Variants in NDUFA9 observed in about 807,000 individuals in gnomAD.
NDUFA9 encodes the protein NADH:ubiquinone oxidoreductase subunit A9, also known as NADH dehydrogenase [ubiquinone] 1 alpha subcomplex subunit 9, mitochondrial.
Under a neutral mutation model 45.9 loss-of-function variants are expected in NDUFA9, and 23 were observed. That is an observed-to-expected ratio of 0.50 (90% CI 0.36 to 0.71). NDUFA9 has a LOEUF of 0.71. Ranked by LOEUF, NDUFA9 falls within the 30% of genes least tolerant of loss-of-function variation. The pLI, the probability that NDUFA9 is intolerant of heterozygous loss-of-function variation, is 0.00. For missense variants in NDUFA9, 466 were observed against 488.2 expected (o/e 0.95, Z 0.43); for synonymous variants, 176 against 170.5 (o/e 1.03, Z -0.25).
chr12:4,672,983 C>T (rs1184971852), intron 8 of NDUFA9, among the ~76,000 whole-genome samples: 1 of 152,152 alleles, frequency 6.6e-6, no homozygotes, highest in Admixed American at 6.5e-5. Context: ...CAAGGGAGAT[C>T]TGGTTGGCAT....
In NDUFA9 at chr12:4,654,419, T is replaced by C. The variant is rs765346077; in HGVS notation, c.177T>C (p.Phe59=). The change falls in exon 2 of 11, where the codon TTT becomes TTC. Residue 59 remains phenylalanine, a synonymous_variant. Transcript: ENST00000266544. ...SSVSGIVATV[F]GATGFLGRYV... Reference sequence around the variant, plus strand: ...TCAGTGGGATTGTGGCCACTGTGTTTGGAGCAACAGGATTCCTGGGGCGAT... The same window carrying C: ...TCAGTGGGATTGTGGCCACTGTGTTCGGAGCAACAGGATTCCTGGGGCGAT... The C allele has an allele frequency of 6.2e-7, 1 of 1,614,162 alleles. No individual in the cohort carries two copies. Among genetic ancestry groups the C allele is most frequent in the South Asian group, 1.1e-5 (1 of 91,084 alleles).
chr12:4,668,731 A>G lies in NDUFA9; in HGVS notation c.723+207A>G, dbSNP rs190456578. ...TTAAGAAAAAGTTATTGAACTCATA[A>G]TGTGCTAGACACATCATACATGTCA... is the stretch of plus-strand genomic sequence containing the variant. On this transcript the variant is annotated intron_variant, in intron 7 of 10. Transcript: ENST00000266544. 4.2e-5 allele frequency: 24 copies of G among 575,598 alleles called. No homozygotes were observed. In the Admixed American group the frequency reaches 5.0e-4, roughly 12 times the overall value. 35.7% of individuals were successfully genotyped at this position (575,598 alleles called of 1,614,324 possible).
intron 6 of NDUFA9, 38 bp downstream of exon 6, chr12:4,662,673 T>G: frequency 6.7e-7 from 1 of 1,500,226 alleles, no homozygotes; most frequent in Non-Finnish European, 9.3e-7. Context: ...AGAGGGATAC[T>G]GATTAACCAA....
intron 3 of NDUFA9, chr12:4,655,220 G>C: frequency 3.4e-6 from 1 of 290,118 alleles, no homozygotes; most frequent in South Asian, 5.7e-5. Context: ...AGTAGCCATA[G>C]ACAATATGTA....
chr12:4,686,393 T>G (rs1945986595), intron 10 of NDUFA9, among the ~76,000 whole-genome samples: 1 of 152,036 alleles, frequency 6.6e-6, no homozygotes, highest in South Asian at 2.1e-4. Context: ...GTCAACCAGG[T>G]TGAGTACAGC....
At chr12:4,685,370 C>A (rs145777379) in intron 10 of NDUFA9, 45 bp downstream of exon 10, 7 of 1,548,602 alleles carry the variant, frequency 4.5e-6, no homozygotes, top group South Asian at 1.1e-5. Flanking sequence ...GATGATGAGG[C>A]GTTAGACTTA....
chr12:4,684,808 ATTT>A (rs10631547), intron 9 of NDUFA9, among the ~76,000 whole-genome samples: 1 of 145,584 alleles, frequency 6.9e-6, no homozygotes. Context: ...TTGCTTTTGG[ATTT>A]TTTTTTTTTT....
intron 8 of NDUFA9, among the ~76,000 whole-genome samples, chr12:4,676,372 G>A (rs1008409560): frequency 6.6e-6 from 1 of 152,202 alleles, no homozygotes; most frequent in African/African-American, 2.4e-5. Context: ...CAGATGACAT[G>A]ATTGTATATT....
chr12:4,660,666 G>A (rs1480036472), intron 5 of NDUFA9, among the ~76,000 whole-genome samples: 9 of 152,164 alleles, frequency 5.9e-5, no homozygotes, highest in African/African-American at 1.4e-4. Flanking sequence ...ACATGATAAG[G>A]CGGAAGGGAA....
At chr12:4,659,774 T>G (rs541853620) in intron 5 of NDUFA9, among the ~76,000 whole-genome samples, 1 of 152,286 alleles carries the variant, frequency 6.6e-6, no homozygotes, top group African/African-American at 2.4e-5. Flanking sequence ...GGCCGTGCGC[T>G]TAACATTTGG....
chr12:4,681,188 T>G (rs896745111), intron 8 of NDUFA9, among the ~76,000 whole-genome samples: 17 of 152,168 alleles, frequency 1.1e-4, no homozygotes, highest in African/African-American at 4.1e-4. Flanking sequence ...ATGTAGAAAT[T>G]TATGTCACTG....
intron 9 of NDUFA9, among the ~76,000 whole-genome samples, chr12:4,683,029 G>A (rs1945963069): frequency 6.6e-6 from 1 of 152,108 alleles, no homozygotes; most frequent in South Asian, 2.1e-4. Flanking sequence ...AGCTGAGATT[G>A]TGCCACTGCA....
At chr12:4,679,508 A>T (rs913242436) in intron 8 of NDUFA9, among the ~76,000 whole-genome samples, 1 of 152,222 alleles carries the variant, frequency 6.6e-6, no homozygotes, top group Admixed American at 6.5e-5. Flanking sequence ...AAAATAAATG[A>T]CCGAAAAGGA....
chr12:4,661,852 G>GAT (rs774324263), intron 5 of NDUFA9, among the ~76,000 whole-genome samples: 2 of 151,956 alleles, frequency 1.3e-5, no homozygotes, highest in East Asian at 1.9e-4. Flanking sequence ...TCCAGATGTT[G>GAT]ATACAGTAGG....
In NDUFA9 at chr12:4,691,649, A is replaced by AT. The variant is rs1313912399; in HGVS notation, c.*4543dup. On this transcript the variant is annotated 3_prime_UTR_variant, in exon 11 of 11. Transcript: ENST00000266544. ...TAAGGAGAGACTTAAACTTGAAAAGATTCTTGTGAGAGAAGGAAAGGGGCT... is the reference window on the plus strand; with the variant it reads ...TAAGGAGAGACTTAAACTTGAAAAGATTTCTTGTGAGAGAAGGAAAGGGGCT... 1 of 152,232 alleles carries AT rather than the reference A, an allele frequency of 6.6e-6. No individual in the cohort carries two copies. Among genetic ancestry groups the AT allele is most frequent in the African/African-American group, 2.4e-5 (1 of 41,464 alleles). 9.4% of individuals were successfully genotyped at this position (152,232 alleles called of 1,614,324 possible).
At chr12:4,662,502 C>A (rs372645808) in intron 5 of NDUFA9, 31 bp from the exon 6 acceptor site, 120 of 1,558,286 alleles carry the variant, frequency 7.7e-5, no homozygotes, top group Non-Finnish European at 9.8e-5. Flanking sequence ...TGTCTCTAAA[C>A]TCAAAACAGG....
chr12:4,660,071 G>GT (rs1175529154), intron 5 of NDUFA9, among the ~76,000 whole-genome samples: 1 of 152,018 alleles, frequency 6.6e-6, no homozygotes, highest in East Asian at 1.9e-4. Flanking sequence ...AGAGAGAAGA[G>GT]TCAAAGATGT....
intron 8 of NDUFA9, among the ~76,000 whole-genome samples, chr12:4,677,272 A>C (rs1401492038): frequency 6.6e-6 from 1 of 152,232 alleles, no homozygotes; most frequent in Non-Finnish European, 1.5e-5. Flanking sequence ...CACCAAAAGC[A>C]ATGGCAACAA....
chr12:4,665,455 A>G (rs377374303), intron 6 of NDUFA9, among the ~76,000 whole-genome samples: 1 of 152,216 alleles, frequency 6.6e-6, no homozygotes, highest in African/African-American at 2.4e-5. Flanking sequence ...TGATATGTCT[A>G]TACCACATTT....
Sources: gnomAD v4.1 joint callset for allele counts (sites outside exome capture counted in the v4.1 genomes callset) on GRCh38, gnomAD v4.1.1 for gene constraint, MANE v1.5 for transcripts, NCBI Gene and HGNC (gene_info 2026-07-23, HGNC 2026-07-21) for gene names.